SHCBP1: variants seen among roughly 807,000 people sequenced by gnomAD.
The protein encoded by SHCBP1 is SHC SH2 domain-binding protein 1.
Under a neutral mutation model 75.1 loss-of-function variants are expected in SHCBP1, and 60 were observed. That is an observed-to-expected ratio of 0.80 (90% CI 0.65 to 0.99). The LOEUF is 0.99. Among genes scored for constraint, SHCBP1 ranks in the 50% least tolerant of loss-of-function variants. SHCBP1 has a pLI of 0.00. For missense variants in SHCBP1, 709 were observed against 809.4 expected (o/e 0.88, Z 1.50); for synonymous variants, 290 against 293.2 (o/e 0.99, Z 0.11).
Position 46,615,998 on chromosome 16 carries a change from A to C in SHCBP1, c.544T>G (p.Phe182Val), listed in dbSNP as rs1965492082. Reference protein sequence around the residue: ...RLPLQELWVVFDDSGVFDQTA... With the variant: ...RLPLQELWVVVDDSGVFDQTA... ...TGGTCAAACACTCCTGAATCATCAA[A>C]CACCACCCACAGCTCCTGCAGGGGC... Residue 182 changes from phenylalanine (F) to valine (V), a missense_variant, in exon 4 of 13, where the codon TTT becomes GTT. Phe to Val is a conservative substitution (Grantham distance 50). Transcript: ENST00000303383. 2 of 1,614,132 alleles carry C rather than the reference A, an allele frequency of 1.2e-6. No individual in the cohort carries two copies. Among genetic ancestry groups the C allele is most frequent in the Middle Eastern group, 1.6e-4 (1 of 6,062 alleles).
At chr16:46,586,749 T>C (rs1182511674) in intron 10 of SHCBP1, among the ~76,000 whole-genome samples, 2 of 152,132 alleles carry the variant, frequency 1.3e-5, no homozygotes, top group Admixed American at 6.6e-5. Flanking sequence ...GAAAATGTGA[T>C]TGACAGCATC....
rs6598679 is a variant in SHCBP1 at position 46,621,298 on chromosome 16, A to T, written c.62T>A (p.Met21Lys). Residue 21 changes from methionine to lysine, a missense_variant, in exon 1 of 13, where the codon ATG becomes AAG. Transcript: ENST00000303383. Reference sequence around the variant, plus strand: ...CAGCTCCTGCTCCACCGCCCAGCCCATGCGCTCCGGCGCCATGGCCGCTGC... The same window carrying T: ...CAGCTCCTGCTCCACCGCCCAGCCCTTGCGCTCCGGCGCCATGGCCGCTGC... ...LEAAAMAPER[M>K]GWAVEQELAS... 12 of 1,610,670 alleles carry T rather than the reference A, an allele frequency of 7.5e-6. No homozygotes were observed. The highest frequency in any genetic ancestry group is 4.4e-5 in the South Asian group (4 of 90,978).
rs761028493 is a variant in SHCBP1, at chr16:46,581,768, C to T, written c.1980G>A (p.Lys660=). Residue 660 remains lysine (K), a synonymous_variant, in exon 13 of 13, where the codon AAG becomes AAA. Coordinates refer to ENST00000303383, the MANE Select transcript of SHCBP1 (RefSeq NM_024745.5). ...MFVGIVGNQF[K]WNGKGSFGTF... is the part of the protein sequence containing the mutation. Reference sequence around the variant, plus strand: ...TGCCAAAACTACCTTTCCCATTCCACTTGAACTGGTTCCCCACAATCCCAA... The same window carrying T: ...TGCCAAAACTACCTTTCCCATTCCATTTGAACTGGTTCCCCACAATCCCAA... 6.2e-7 allele frequency: 1 copy of T among 1,614,166 alleles called. No homozygotes were observed. The highest frequency in any genetic ancestry group is 8.5e-7 in the Non-Finnish European group (1 of 1,179,990).
chr16:46,599,691 A>AAAAAAAAAAAAAATACAAC (rs1965200464), intron 9 of SHCBP1, 140 bp downstream of exon 9: 1 of 354,246 alleles, frequency 2.8e-6, no homozygotes, highest in Non-Finnish European at 4.9e-6. Context: ...AAAAAAAAAA[A>AAAAAAAAAAAAAATACAAC]ACTCAGCATC....
chr16:46,616,305 T>TA lies in SHCBP1; in HGVS notation c.388-152_388-151insT. ...TAAAGGATGAACAAGACAGGCTGCCTCTTACCCTCATGGAGCTTACACTGT... is the reference window on the plus strand; with the variant it reads ...TAAAGGATGAACAAGACAGGCTGCCTACTTACCCTCATGGAGCTTACACTGT... On this transcript the variant is annotated intron_variant, in intron 3 of 12. Coordinates refer to ENST00000303383, the MANE Select transcript of SHCBP1 (RefSeq NM_024745.5). The surrounding 1 kb of genome is among the most constrained non-coding windows in gnomAD (Gnocchi z 4.4). 1.4e-6 allele frequency: 1 copy of TA among 708,192 alleles called. No homozygotes were observed. 43.9% of individuals were successfully genotyped at this position (708,192 alleles called of 1,614,324 possible).
chr16:46,586,686 A>G (rs976788925), intron 10 of SHCBP1, among the ~76,000 whole-genome samples: 6 of 152,216 alleles, frequency 3.9e-5, no homozygotes, highest in African/African-American at 1.4e-4. Flanking sequence ...TGTAAGCTTA[A>G]AACAAAAATC....
chr16:46,614,644 G>A (rs1423210037), intron 4 of SHCBP1, among the ~76,000 whole-genome samples: 9 of 151,878 alleles, frequency 5.9e-5, no homozygotes, highest in Non-Finnish European at 1.2e-4. Context: ...CCTAGAAGCA[G>A]CCTAAGAAAA....
intron 5 of SHCBP1, among the ~76,000 whole-genome samples, chr16:46,605,384 T>G (rs1033082661): frequency 6.6e-6 from 1 of 151,478 alleles, no homozygotes; most frequent in Admixed American, 6.6e-5. Flanking sequence ...AGCCCAGGAG[T>G]TTGAGGCCAG....
At position 46,581,515 on chromosome 16, in the gene SHCBP1, A is replaced by T. The variant is rs1285381425; in HGVS notation, c.*214T>A. On this transcript the variant is annotated 3_prime_UTR_variant, in exon 13 of 13. Coordinates refer to ENST00000303383, the MANE Select transcript of SHCBP1 (RefSeq NM_024745.5). ...AAGACTTTCAGATAAGCAATCTCCA[A>T]ATATTTTCTATTTTATATGCATTTA... 7.8e-6 allele frequency: 4 copies of T among 510,514 alleles called. No homozygotes were observed. In the Admixed American group the frequency reaches 1.5e-4, roughly 19 times the overall value. 31.6% of individuals were successfully genotyped at this position (510,514 alleles called of 1,614,324 possible). A position where few individuals can be genotyped will look rare whatever the true frequency, so the allele number is the denominator to read the frequency against.
At chr16:46,604,558 T>G in intron 5 of SHCBP1, 97 bp from the exon 6 acceptor site, 1 of 762,798 alleles carries the variant, frequency 1.3e-6, no homozygotes, top group South Asian at 1.7e-5. Context: ...CAGTAAGAGT[T>G]TTACAGTATA....
intron 10 of SHCBP1, among the ~76,000 whole-genome samples, chr16:46,590,895 T>C (rs1461125225): frequency 6.6e-6 from 1 of 152,150 alleles, no homozygotes; most frequent in African/African-American, 2.4e-5. Context: ...CTATTCACAA[T>C]AGCAAAGACT....
Position 46,621,265 on chromosome 16 carries a change from A to G in SHCBP1, c.95T>C (p.Leu32Pro), listed in dbSNP as rs770908710. The G allele has an allele frequency of 4.4e-6, 7 of 1,608,176 alleles. No homozygotes were observed. The Admixed American group carries it at 8.4e-5, about 19-fold the overall frequency. Residue 32 changes from leucine to proline, a missense_variant, in exon 1 of 13, where the codon CTG (leucine) becomes CCG (proline). Coordinates refer to ENST00000303383, the MANE Select transcript of SHCBP1 (RefSeq NM_024745.5). ...GWAVEQELAS[L>P]EKGLFQDEDS... Reference sequence around the variant, plus strand: ...CGGCATGGAGAGCTCACCTTTCTCCAGAGACGCCAGCTCCTGCTCCACCGC... The same window carrying G: ...CGGCATGGAGAGCTCACCTTTCTCCGGAGACGCCAGCTCCTGCTCCACCGC...
At chr16:46,590,599 A>C (rs1470875348) in intron 10 of SHCBP1, among the ~76,000 whole-genome samples, 4 of 152,234 alleles carry the variant, frequency 2.6e-5, no homozygotes, top group Non-Finnish European at 5.9e-5. Flanking sequence ...GAGAAATGCA[A>C]ATCAAAAACA....
At chr16:46,600,046 T>G in intron 8 of SHCBP1, 84 bp from the exon 9 acceptor site, 1 of 1,462,522 alleles carries the variant, frequency 6.8e-7, no homozygotes. Context: ...TTCTCTAGTT[T>G]AAATGACTGC....
chr16:46,599,688 A>AAAAAAC lies in SHCBP1; in HGVS notation c.1345+142_1345+143insGTTTTT, dbSNP rs55869621. On this transcript the variant is annotated intron_variant, in intron 9 of 12. Transcript: ENST00000303383. Reference sequence around the variant, plus strand: ...AATTTGTAAAAAAAAAAAAAAAAAAAAAAACTCAGCATCGTGAAGTGCAAT... The same window carrying AAAAAAC: ...AATTTGTAAAAAAAAAAAAAAAAAAAAAAAACAAAACTCAGCATCGTGAAGTGCAAT... The AAAAAAC allele has an allele frequency of 5.0e-4, 37 of 74,620 alleles. 4 individuals carry two copies. Among genetic ancestry groups the AAAAAAC allele is most frequent in the African/African-American group, 9.5e-4 (17 of 17,968 alleles). 4.6% of individuals were successfully genotyped at this position (74,620 alleles called of 1,614,324 possible).
chr16:46,616,817 G>A lies in SHCBP1; in HGVS notation c.388-663C>T, dbSNP rs1305922835. On this transcript the variant is annotated intron_variant, in intron 3 of 12. Coordinates refer to ENST00000303383, the MANE Select transcript of SHCBP1 (RefSeq NM_024745.5). This position sits in a 1 kb window ranked among gnomAD's most constrained non-coding sequence, Gnocchi z 4.4. ...TTTTCGGAGAACTGATTGGCGGGGG[G>A]GCACTTATCATAACCAAATGAATAG... Among the ~76,000 whole-genome samples, 2 of 151,958 alleles carry A rather than the reference G, an allele frequency of 1.3e-5. No individual in the cohort carries two copies. The highest frequency in any genetic ancestry group is 2.4e-5 in the African/African-American group (1 of 41,364).
At chr16:46,609,704 G>C (rs1017934720) in intron 4 of SHCBP1, among the ~76,000 whole-genome samples, 1 of 151,340 alleles carries the variant, frequency 6.6e-6, no homozygotes, top group East Asian at 2.0e-4. Flanking sequence ...CCCCTGCCTC[G>C]GTCTCCCAAA....
rs1294277998 is a variant in SHCBP1, at chr16:46,578,598, TTTAAAA to T, written c.*3125_*3130del. Among the ~76,000 whole-genome samples, 3 of 152,158 alleles carry T rather than the reference TTTAAAA, an allele frequency of 2.0e-5. No homozygotes were observed. Among genetic ancestry groups the T allele is most frequent in the African/African-American group, 7.2e-5 (3 of 41,458 alleles). On this transcript the variant is annotated 3_prime_UTR_variant, in exon 13 of 13. Transcript: ENST00000303383. Reference sequence around the variant, plus strand: ...ATTGATATATTACACCTGTTTTGTTTTTAAAATATATATTTTTTTCTATTAATAGTG... The same window carrying T: ...ATTGATATATTACACCTGTTTTGTTTTATATATTTTTTTCTATTAATAGTG...
intron 10 of SHCBP1, among the ~76,000 whole-genome samples, chr16:46,586,196 AT>A (rs1964952484): frequency 6.6e-6 from 1 of 152,248 alleles, no homozygotes; most frequent in African/African-American, 2.4e-5. Context: ...AGCAGCCATG[AT>A]AAAAATGCTT....
Sources: allele counts gnomAD v4.1 joint callset (sites outside exome capture counted in the v4.1 genomes callset), GRCh38; gene constraint gnomAD v4.1.1; non-coding constraint Gnocchi (gnomAD v3.1); transcripts MANE v1.5; gene names NCBI Gene and HGNC (gene_info 2026-07-23, HGNC 2026-07-21).